Variants in ESRRG observed in about 807,000 individuals in gnomAD.
ESRRG encodes estrogen related receptor gamma, also known as estrogen-related receptor gamma.
In ESRRG, 13 loss-of-function variants were observed where a neutral mutation model predicts 44.0. The ratio of observed to expected loss-of-function variants is 0.30; its 90% CI spans 0.19 to 0.47. The LOEUF (loss-of-function observed/expected upper bound fraction) is 0.47. ESRRG is among the 20% of genes least tolerant of loss of function. ESRRG has a pLI of 1.00. For synonymous variants in ESRRG, 215 were observed against 214.6 expected, an observed-to-expected ratio of 1.00 and a Z score of -0.02; for missense variants, 395 against 580.6, an observed-to-expected ratio of 0.68 and a Z score of 3.29.
chr1:216,888,388 A>G (rs1049452991), intron 2 of ESRRG, among the ~76,000 whole-genome samples: 42 of 152,172 alleles, frequency 2.8e-4, no homozygotes, highest in Admixed American at 2.6e-3. Flanking sequence ...AGGAATTTCA[A>G]TCTAGGAATA....
At chr1:216,956,693 T>G (rs1435194831) in intron 1 of ESRRG, among the ~76,000 whole-genome samples, 1 of 152,304 alleles carries the variant, frequency 6.6e-6, no homozygotes, top group East Asian at 1.9e-4. Context: ...ATAATGTCAT[T>G]GTGTACGAAG....
At chr1:216,684,023 T>A (rs1319412270) in intron 1 of ESRRG, among the ~76,000 whole-genome samples, 1 of 152,164 alleles carries the variant, frequency 6.6e-6, no homozygotes, top group Non-Finnish European at 1.5e-5. Flanking sequence ...TTTCTTGCAA[T>A]GGAGGCCCAG....
At chr1:216,617,185 C>T (rs1035564751) in intron 3 of ESRRG, among the ~76,000 whole-genome samples, 1 of 152,050 alleles carries the variant, frequency 6.6e-6, no homozygotes, top group Non-Finnish European at 1.5e-5. Flanking sequence ...TCACATATTC[C>T]CATTTAACTT....
intron 2 of ESRRG, among the ~76,000 whole-genome samples, chr1:216,848,380 T>C (rs2095791992): frequency 6.7e-6 from 1 of 149,238 alleles, no homozygotes; most frequent in Non-Finnish European, 1.5e-5. Context: ...ATCACAAAGC[T>C]AGATATGAAT....
chr1:217,114,244 A>G (rs2092693889), intron 1 of ESRRG, among the ~76,000 whole-genome samples: 1 of 151,990 alleles, frequency 6.6e-6, no homozygotes, highest in Non-Finnish European at 1.5e-5. Context: ...TGTGGGCCTT[A>G]GAGGTTTCAG....
chr1:216,586,581 C>CTTTTTTT (rs752769234), intron 3 of ESRRG, among the ~76,000 whole-genome samples: 1 of 124,128 alleles, frequency 8.1e-6, no homozygotes, highest in Non-Finnish European at 1.7e-5. Flanking sequence ...AACTTTTGGG[C>CTTTTTTT]TTTTTTTTTT....
intron 2 of ESRRG, among the ~76,000 whole-genome samples, chr1:216,786,156 G>A (rs2094120525): frequency 6.6e-6 from 1 of 152,042 alleles, no homozygotes; most frequent in African/African-American, 2.4e-5. Flanking sequence ...GAGAGGCCCA[G>A]GAGTACTAAG....
At chr1:216,748,186 G>T (rs534142579) in intron 2 of ESRRG, among the ~76,000 whole-genome samples, 5 of 151,814 alleles carry the variant, frequency 3.3e-5, no homozygotes, top group Non-Finnish European at 5.9e-5. Flanking sequence ...TCAATGTATA[G>T]CCTAGATCCA....
chr1:216,593,624 G>C (rs1467651249), intron 3 of ESRRG, among the ~76,000 whole-genome samples: 1 of 152,204 alleles, frequency 6.6e-6, no homozygotes, highest in East Asian at 1.9e-4. Context: ...TTGAATCATT[G>C]TCTAGTTTGA....
intron 1 of ESRRG, among the ~76,000 whole-genome samples, chr1:217,081,627 T>C (rs191288380): frequency 1.4e-4 from 22 of 152,226 alleles, no homozygotes; most frequent in African/African-American, 4.8e-4. Context: ...TGGCATTTTT[T>C]AGAGATGGAG....
At chr1:217,104,918 GA>G (rs1432409121) in intron 1 of ESRRG, among the ~76,000 whole-genome samples, 1 of 152,164 alleles carries the variant, frequency 6.6e-6, no homozygotes, top group Non-Finnish European at 1.5e-5. Flanking sequence ...AAATCTTGGG[GA>G]AAGTTCACAT....
intron 6 of ESRRG, among the ~76,000 whole-genome samples, chr1:216,518,341 G>T (rs768862666): frequency 2.6e-5 from 4 of 152,028 alleles, no homozygotes; most frequent in Non-Finnish European, 4.4e-5. Flanking sequence ...ACTACTGGCC[G>T]GCAACCAAGA....
At chr1:217,106,542 G>A (rs2092599412) in intron 1 of ESRRG, among the ~76,000 whole-genome samples, 1 of 152,124 alleles carries the variant, frequency 6.6e-6, no homozygotes. Flanking sequence ...TTTAGGAACT[G>A]GATATTAAGG....
At chr1:216,955,787 C>T (rs906446815) in intron 1 of ESRRG, among the ~76,000 whole-genome samples, 15 of 151,958 alleles carry the variant, frequency 9.9e-5, no homozygotes, top group African/African-American at 3.6e-4. Context: ...TTTGCAATTC[C>T]CTGATGACTA....
In ESRRG at chr1:216,507,123, G is replaced by A. The variant is rs779724222; in HGVS notation, c.1193C>T (p.Ala398Val). ...VQKLQDVLHE[A>V]LQDYEAGQHM... ...CTGGCCAGCTTCATAATCCTGCAGC[G>A]CTTCATGTAAGACATCCTGAAGCTT... The change falls in exon 7 of 7, where the codon GCG (alanine) becomes GTG (valine). Residue 398 changes from alanine to valine, a missense_variant. By Grantham distance (64) the Ala-to-Val change is moderately conservative. Around this residue, in one of 5 missense-constraint regions of ESRRG, gnomAD observed 167 missense variants for 251.8 expected, o/e 0.66. Coordinates refer to ENST00000408911, the MANE Select transcript of ESRRG (RefSeq NM_001438.4). The A allele has an allele frequency of 2.5e-6, 4 of 1,613,410 alleles. No homozygotes were observed. The highest frequency in any genetic ancestry group is 2.5e-6 in the Non-Finnish European group (3 of 1,179,808).
intron 2 of ESRRG, among the ~76,000 whole-genome samples, chr1:216,910,806 C>T (rs1031221129): frequency 1.3e-5 from 2 of 152,108 alleles, no homozygotes; most frequent in African/African-American, 2.4e-5. Context: ...TAAAAACTTG[C>T]CTGTGTACAT....
At chr1:217,083,709 C>A (rs769231944) in intron 1 of ESRRG, among the ~76,000 whole-genome samples, 3 of 152,184 alleles carry the variant, frequency 2.0e-5, no homozygotes, top group Non-Finnish European at 4.4e-5. Context: ...TATCCCAATT[C>A]TGCAACCTTA....
intron 2 of ESRRG, among the ~76,000 whole-genome samples, chr1:216,868,649 T>C (rs2096211799): frequency 6.6e-6 from 1 of 152,192 alleles, no homozygotes. Flanking sequence ...GCTGAATTCT[T>C]TTCCAGAGTG....
upstream of ESRRG, among the ~76,000 whole-genome samples, chr1:217,089,938 G>T (rs1223358888): frequency 6.6e-6 from 1 of 152,228 alleles, no homozygotes; most frequent in Non-Finnish European, 1.5e-5. Flanking sequence ...GGCAGAAGAA[G>T]AGAGAGGCTG....
Sources: allele counts gnomAD v4.1 joint callset (sites outside exome capture counted in the v4.1 genomes callset), GRCh38; gene constraint gnomAD v4.1.1; regional missense constraint gnomAD v4.1.1; transcripts MANE v1.5; gene names NCBI Gene and HGNC (gene_info 2026-07-23, HGNC 2026-07-21).